SUGCT: variants seen among roughly 807,000 people sequenced by gnomAD.
SUGCT encodes the protein succinyl-CoA:glutarate CoA-transferase.
SUGCT carries 41 observed loss-of-function variants against 55.0 expected under a neutral mutation model. That is an observed-to-expected ratio of 0.74 (90% confidence interval 0.58 to 0.97). SUGCT has a LOEUF of 0.97. Ranked by LOEUF, SUGCT falls within the 50% of genes least tolerant of loss-of-function variation. The probability of loss-of-function intolerance (pLI) is 0.00; values close to 1 mark genes in which losing one functional copy is unlikely to be tolerated. For synonymous variants in SUGCT, 187 were observed against 200.4 expected, an observed-to-expected ratio of 0.93 and a Z score of 0.56; for missense variants, 568 against 547.8, an observed-to-expected ratio of 1.04 and a Z score of -0.37.
chr7:40,713,870 C>T (rs1393287979), intron 12 of SUGCT, among the ~76,000 whole-genome samples: 1 of 152,210 alleles, frequency 6.6e-6, no homozygotes, highest in Non-Finnish European at 1.5e-5. Context: ...TCCATATTCT[C>T]TTAACCCTTT....
intron 9 of SUGCT, among the ~76,000 whole-genome samples, chr7:40,332,956 C>A (rs1227292914): frequency 6.6e-6 from 1 of 152,076 alleles, no homozygotes; most frequent in Admixed American, 6.6e-5. Context: ...GCAAAATCAT[C>A]CATCCATCTA....
intron 9 of SUGCT, among the ~76,000 whole-genome samples, chr7:40,366,111 A>T (rs1315052375): frequency 6.6e-6 from 1 of 152,162 alleles, no homozygotes; most frequent in Admixed American, 6.5e-5. Flanking sequence ...ATAACGCCAC[A>T]TATCTACAAC....
At chr7:40,448,950 G>GTA (rs1244847873) in intron 9 of SUGCT, among the ~76,000 whole-genome samples, 3,809 of 141,916 alleles carry the variant, frequency 0.027, 69 homozygotes, top group Middle Eastern at 0.054. Flanking sequence ...GTGTGTGTGT[G>GTA]TATATATATA....
At chr7:40,384,701 G>A (rs180722138) in intron 9 of SUGCT, among the ~76,000 whole-genome samples, 126 of 152,006 alleles carry the variant, frequency 8.3e-4, no homozygotes, top group African/African-American at 2.9e-3. Flanking sequence ...CTGCTACCAC[G>A]CCTGGCTTTT....
At chr7:40,750,521 C>T (rs149550687) in intron 13 of SUGCT, among the ~76,000 whole-genome samples, 1 of 152,274 alleles carries the variant, frequency 6.6e-6, no homozygotes, top group East Asian at 1.9e-4. Flanking sequence ...TTTACTTCTA[C>T]AGGCATCTGA....
At chr7:40,162,311 A>G (rs763427928) in intron 1 of SUGCT, among the ~76,000 whole-genome samples, 6 of 152,340 alleles carry the variant, frequency 3.9e-5, no homozygotes, top group Non-Finnish European at 7.3e-5. Context: ...CAAGGTGAGA[A>G]TAAGATCTGG....
chr7:40,520,710 C>T (rs1389626896), intron 12 of SUGCT, among the ~76,000 whole-genome samples: 2 of 152,200 alleles, frequency 1.3e-5, no homozygotes, highest in East Asian at 3.9e-4. Flanking sequence ...TTCTGTTATA[C>T]TTCTGGTTCA....
At chr7:41,007,503 T>C in the SUGCT span, among the ~76,000 whole-genome samples, 1 of 152,192 alleles carries the variant, frequency 6.6e-6, no homozygotes, top group Non-Finnish European at 1.5e-5. Flanking sequence ...TGTGCACGCC[T>C]TAGAATATCA....
intron 12 of SUGCT, among the ~76,000 whole-genome samples, chr7:40,718,343 AG>A (rs1416168482): frequency 6.6e-6 from 1 of 152,212 alleles, no homozygotes; most frequent in East Asian, 1.9e-4. Context: ...ATGCAGTGTA[AG>A]CTGACCCTGA....
At chr7:40,350,419 T>C (rs1797561847) in intron 9 of SUGCT, among the ~76,000 whole-genome samples, 1 of 151,518 alleles carries the variant, frequency 6.6e-6, no homozygotes, top group Non-Finnish European at 1.5e-5. Flanking sequence ...GTTCAAGCGA[T>C]TTTTCTGCCT....
intron 13 of SUGCT, among the ~76,000 whole-genome samples, chr7:40,773,970 A>G (rs947095184): frequency 6.6e-6 from 1 of 152,216 alleles, no homozygotes; most frequent in African/African-American, 2.4e-5. Flanking sequence ...AGAAACAGGA[A>G]ATCAGAGTGG....
chr7:40,957,105 G>T, the SUGCT span, among the ~76,000 whole-genome samples: 3 of 152,164 alleles, frequency 2.0e-5, no homozygotes, highest in Non-Finnish European at 4.4e-5. Flanking sequence ...TTGATTTTGG[G>T]TGGAGAGTTC....
chr7:40,528,534 A>C lies in SUGCT; in HGVS notation c.1089+32148A>C, dbSNP rs184891091. ...CAGTAGATTTAGGGAGAAAGACTCTATGATCTTCGTTTCTGTCTTATTTTC... is the reference window on the plus strand; with the variant it reads ...CAGTAGATTTAGGGAGAAAGACTCTCTGATCTTCGTTTCTGTCTTATTTTC... On this transcript the variant is annotated intron_variant, in intron 12 of 13. Transcript: ENST00000335693. Among the ~76,000 whole-genome samples the C allele has an allele frequency of 2.6e-3, 394 of 152,318 alleles. 3 individuals are homozygous for C. The highest frequency in any genetic ancestry group is 3.0e-3 in the Non-Finnish European group (201 of 68,028).
chr7:40,829,891 T>C (rs1792562589), intron 13 of SUGCT, among the ~76,000 whole-genome samples: 1 of 152,198 alleles, frequency 6.6e-6, no homozygotes, highest in Non-Finnish European at 1.5e-5. Flanking sequence ...ACTCAATTCA[T>C]GTAGCATGTG....
chr7:40,898,496 G>GGGT, the SUGCT span, among the ~76,000 whole-genome samples: 3 of 101,870 alleles, frequency 2.9e-5, no homozygotes, highest in Admixed American at 9.5e-5. Context: ...GGGGGGGGGG[G>GGGT]GTGGATCACG....
chr7:40,403,176 T>C (rs1786175602), intron 9 of SUGCT, among the ~76,000 whole-genome samples: 1 of 152,222 alleles, frequency 6.6e-6, no homozygotes, highest in African/African-American at 2.4e-5. Flanking sequence ...ACATTTTTGC[T>C]GTCATTTTCC....
At chr7:40,746,593 G>A (rs944042023) in intron 12 of SUGCT, among the ~76,000 whole-genome samples, 5 of 152,168 alleles carry the variant, frequency 3.3e-5, no homozygotes, top group African/African-American at 1.2e-4. Flanking sequence ...GCATTGATAA[G>A]GTTAAAGTGT....
At chr7:40,273,374 G>GTTGC (rs1792235039) in intron 7 of SUGCT, among the ~76,000 whole-genome samples, 1 of 150,690 alleles carries the variant, frequency 6.6e-6, no homozygotes, top group Non-Finnish European at 1.5e-5. Flanking sequence ...ACAGAAGCTA[G>GTTGC]ACTTAATAAG....
chr7:40,711,580 T>C (rs1785724034), intron 12 of SUGCT, among the ~76,000 whole-genome samples: 1 of 152,158 alleles, frequency 6.6e-6, no homozygotes, highest in African/African-American at 2.4e-5. Flanking sequence ...AGTTTGCAAC[T>C]TCTGTATTAA....
Sources: gnomAD v4.1 joint callset for allele counts (sites outside exome capture counted in the v4.1 genomes callset) on GRCh38, gnomAD v4.1.1 for gene constraint, MANE v1.5 for transcripts, NCBI Gene and HGNC (gene_info 2026-07-23, HGNC 2026-07-21) for gene names.